Variants in AMN1 observed in about 807,000 individuals in gnomAD.
AMN1 encodes the protein antagonist of mitotic exit network 1 homolog, also known as protein AMN1 homolog.
A neutral mutation model predicts 33.0 loss-of-function variants in AMN1; 20 were observed. The ratio of observed to expected loss-of-function variants is 0.61; its 90% confidence interval spans 0.43 to 0.88. The LOEUF (loss-of-function observed/expected upper bound fraction) is 0.88. Ranked by LOEUF, AMN1 falls within the 40% of genes least tolerant of loss-of-function variation. The probability of loss-of-function intolerance (pLI) is 0.00; values close to 1 mark genes in which losing one functional copy is unlikely to be tolerated. For missense variants in AMN1, 246 were observed against 307.4 expected (o/e 0.80, Z 1.49); for synonymous variants, 114 against 111.9 (o/e 1.02, Z -0.12).
At position 31,689,065 on chromosome 12, in the gene AMN1, G is replaced by A; in HGVS notation, c.645C>T (p.Val215=). The part of the protein sequence containing the change: ...VNLTDGAVEA[V]LTYCPQIRIL... ...TACGTATTTGAGGACAGTAAGTAAGGACAGCTTCGACAGCCCCATCAGTCA... is the reference window on the plus strand; with the variant it reads ...TACGTATTTGAGGACAGTAAGTAAGAACAGCTTCGACAGCCCCATCAGTCA... The change falls in exon 6 of 7, where the codon GTC becomes GTT. Residue 215 remains valine (V), a synonymous_variant. Coordinates refer to ENST00000281471, the MANE Select transcript of AMN1 (RefSeq NM_001113402.2). 6.2e-7 allele frequency: 1 copy of A among 1,613,526 alleles called. No homozygotes were observed.
At chr12:31,690,951 T>C (rs561093785) in intron 5 of AMN1, among the ~76,000 whole-genome samples, 65 of 152,052 alleles carry the variant, frequency 4.3e-4, no homozygotes, top group African/African-American at 1.5e-3. Context: ...CTGGCTAACA[T>C]GGTGAAACCC....
intron 3 of AMN1, among the ~76,000 whole-genome samples, chr12:31,700,754 A>G (rs1387271230): frequency 6.6e-6 from 1 of 152,002 alleles, no homozygotes; most frequent in Non-Finnish European, 1.5e-5. Flanking sequence ...CAGTGGCGCA[A>G]TCTCGGCTCA....
chr12:31,728,055 T>C (rs1940151069), intron 1 of AMN1, among the ~76,000 whole-genome samples: 1 of 152,118 alleles, frequency 6.6e-6, no homozygotes, highest in Admixed American at 6.5e-5. Context: ...GAGGCGGGGT[T>C]TCGCCACGTT....
At chr12:31,699,895 G>A (rs190186790) in intron 3 of AMN1, among the ~76,000 whole-genome samples, 1 of 152,236 alleles carries the variant, frequency 6.6e-6, no homozygotes, top group East Asian at 1.9e-4. Flanking sequence ...GGTGTCCAGA[G>A]AGTTGGAGAA....
At chr12:31,708,958 A>G (rs1219284924) in intron 2 of AMN1, 1 of 397,596 alleles carries the variant, frequency 2.5e-6, no homozygotes, top group East Asian at 7.2e-5. Flanking sequence ...CGGATGGATC[A>G]CTTGAGCTCC....
Position 31,709,190 on chromosome 12 carries a change from A to G in AMN1, c.171+103T>C, listed in dbSNP as rs117817433. On this transcript the variant is annotated intron_variant, in intron 2 of 6. Transcript: ENST00000281471. ...ACCCTGTATAAAAAAAAAAAAATTA[A>G]AAATGATTACCAGTCTTACCATATA... 4,383 of 1,373,446 alleles carry G rather than the reference A, an allele frequency of 3.2e-3. 14 individuals are homozygous for G. The highest frequency in any genetic ancestry group is 3.5e-3 in the Middle Eastern group (19 of 5,442). 85.1% of individuals were successfully genotyped at this position (1,373,446 alleles called of 1,614,324 possible).
intron 2 of AMN1, among the ~76,000 whole-genome samples, chr12:31,702,560 G>A (rs1939053039): frequency 6.6e-6 from 1 of 150,902 alleles, no homozygotes; most frequent in South Asian, 2.1e-4. Context: ...GTATTTTTCT[G>A]TTCTTTATTT....
intron 1 of AMN1, among the ~76,000 whole-genome samples, chr12:31,723,642 C>A (rs534567261): frequency 1.3e-5 from 2 of 152,268 alleles, no homozygotes; most frequent in African/African-American, 4.8e-5. Context: ...AGCCGATAGT[C>A]AAGGTATTCA....
At chr12:31,713,015 A>G (rs1267172913) in intron 1 of AMN1, among the ~76,000 whole-genome samples, 1 of 152,098 alleles carries the variant, frequency 6.6e-6, no homozygotes, top group Non-Finnish European at 1.5e-5. Context: ...TCTCTTTTAT[A>G]TATTTATTTA....
intron 5 of AMN1, among the ~76,000 whole-genome samples, chr12:31,693,258 A>T (rs1347659537): frequency 6.6e-6 from 1 of 151,188 alleles, no homozygotes; most frequent in Non-Finnish European, 1.5e-5. Flanking sequence ...TTTTTTTGAG[A>T]TGGAGTTTCG....
In AMN1 at chr12:31,712,739, T is replaced by A. The variant is rs531796871; in HGVS notation, c.39-3314A>T. Among the ~76,000 whole-genome samples, 5 of 152,292 alleles carry A rather than the reference T, an allele frequency of 3.3e-5. No individual in the cohort carries two copies. In the South Asian group the frequency reaches 1.0e-3, roughly 32 times the overall value. On this transcript the variant is annotated intron_variant, in intron 1 of 6. Transcript: ENST00000281471. ...GGCACAATCTCAGCTCACTGCAACC[T>A]CTGCCTTCCGGGTTCAAGCAATTCC...
chr12:31,705,943 C>T (rs1264881001), intron 2 of AMN1, among the ~76,000 whole-genome samples: 3 of 152,150 alleles, frequency 2.0e-5, no homozygotes, highest in African/African-American at 7.2e-5. Context: ...GCCTTTGTCT[C>T]CTGGCAGTTG....
chr12:31,677,930 G>T (rs988502694), intron 6 of AMN1, among the ~76,000 whole-genome samples: 10 of 152,120 alleles, frequency 6.6e-5, no homozygotes, highest in African/African-American at 2.4e-4. Context: ...AGATCATAAG[G>T]CCCTCATTCC....
At chr12:31,696,247 A>C (rs1322342811) in intron 5 of AMN1, among the ~76,000 whole-genome samples, 1 of 146,798 alleles carries the variant, frequency 6.8e-6, no homozygotes, top group East Asian at 2.0e-4. Flanking sequence ...AAAATAAATA[A>C]ATAAATTAAT....
chr12:31,691,544 T>C (rs1417107752), intron 5 of AMN1, among the ~76,000 whole-genome samples: 1 of 152,126 alleles, frequency 6.6e-6, no homozygotes, highest in African/African-American at 2.4e-5. Context: ...TATGAGTGAA[T>C]TTTCTTGTAT....
intron 6 of AMN1, among the ~76,000 whole-genome samples, chr12:31,688,805 C>T (rs766341790): frequency 4.0e-5 from 6 of 151,246 alleles, no homozygotes; most frequent in African/African-American, 9.7e-5. Flanking sequence ...AGCAAGACTC[C>T]GTCTCCCAAA....
At chr12:31,713,880 T>A (rs1441928481) in intron 1 of AMN1, among the ~76,000 whole-genome samples, 2 of 152,044 alleles carry the variant, frequency 1.3e-5, no homozygotes, top group Non-Finnish European at 2.9e-5. Context: ...CTGATAAAAT[T>A]AAAGCCACTT....
At chr12:31,710,569 C>T (rs1307398782) in intron 1 of AMN1, among the ~76,000 whole-genome samples, 2 of 151,582 alleles carry the variant, frequency 1.3e-5, no homozygotes, top group Non-Finnish European at 2.9e-5. Context: ...CACACACACA[C>T]ACACACACAC....
At chr12:31,719,452 CAT>C in intron 1 of AMN1, 1 of 251,806 alleles carries the variant, frequency 4.0e-6, no homozygotes, top group Non-Finnish European at 6.3e-6. Context: ...CAATTATACA[CAT>C]ATAAAATTAT....
Sources: gnomAD v4.1 joint callset for allele counts (sites outside exome capture counted in the v4.1 genomes callset) on GRCh38, gnomAD v4.1.1 for gene constraint, MANE v1.5 for transcripts, NCBI Gene and HGNC (gene_info 2026-07-23, HGNC 2026-07-21) for gene names.